The following C10orf67 variants were observed in gnomAD, a reference collection of about 807,000 sequenced individuals.
The protein encoded by C10orf67 is chromosome 10 open reading frame 67, also known as uncharacterized protein C10orf67, mitochondrial.
A neutral mutation model predicts 35.6 loss-of-function variants in C10orf67; 60 were observed. The observed-to-expected ratio is 1.68, with a 90% CI of 1.37 to 2.09. The LOEUF (loss-of-function observed/expected upper bound fraction) is 2.09, where lower values mean the gene tolerates loss of function less well. C10orf67 is among the 30% of genes most tolerant of loss of function. C10orf67 has a pLI of 0.00. For synonymous variants in C10orf67, 167 were observed against 115.8 expected, an observed-to-expected ratio of 1.44 and a Z score of -2.84; for missense variants, 474 against 330.2, an observed-to-expected ratio of 1.44 and a Z score of -3.38.
chr10:23,262,127 G>T (rs558030915), intron 10 of C10orf67, among the ~76,000 whole-genome samples: 4 of 152,244 alleles, frequency 2.6e-5, no homozygotes, highest in African/African-American at 9.6e-5. Context: ...GGTGAGCAGC[G>T]ATGTAATACA....
intron 5 of C10orf67, among the ~76,000 whole-genome samples, chr10:23,302,199 TTATAA>T (rs1418987782): frequency 4.6e-5 from 7 of 151,126 alleles, no homozygotes; most frequent in South Asian, 2.1e-4. Context: ...TATTAATGTA[TTATAA>T]TATATCATAT....
intron 4 of C10orf67, among the ~76,000 whole-genome samples, chr10:23,320,507 G>A (rs1844903693): frequency 6.6e-6 from 1 of 152,156 alleles, no homozygotes; most frequent in Non-Finnish European, 1.5e-5. Context: ...GATTACTTTG[G>A]TACATGCCCA....
rs115173829 is a variant in C10orf67 at position 23,233,790 on chromosome 10, G to T, written c.1434+5939C>A. Among the ~76,000 whole-genome samples the T allele has an allele frequency of 7.0e-3, 1,062 of 152,190 alleles. 9 individuals are homozygous for T. The highest frequency in any genetic ancestry group is 0.024 in the African/African-American group (991 of 41,548). ...ATGTTTTAAGACTCAAAATTTACTT[G>T]GTTTTTGGTTTTGATAATTTCAGAA... is the stretch of plus-strand genomic sequence containing the variant. On this transcript the variant is annotated intron_variant, in intron 13 of 15. Transcript: ENST00000636213.
chr10:23,315,079 C>T (rs1479094316), intron 4 of C10orf67, among the ~76,000 whole-genome samples: 1 of 152,214 alleles, frequency 6.6e-6, no homozygotes, highest in Non-Finnish European at 1.5e-5. Context: ...CCTTAACAAA[C>T]TGGGCGGCCA....
intron 12 of C10orf67, among the ~76,000 whole-genome samples, chr10:23,241,011 T>C (rs1842164007): frequency 6.6e-6 from 1 of 152,224 alleles, no homozygotes; most frequent in Non-Finnish European, 1.5e-5. Context: ...ACGTGCTACC[T>C]TTCATGAAAG....
intron 15 of C10orf67, among the ~76,000 whole-genome samples, chr10:23,216,747 T>C (rs2132094914): frequency 6.6e-6 from 1 of 152,284 alleles, no homozygotes; most frequent in Non-Finnish European, 1.5e-5. Context: ...ATCATGGATA[T>C]AATGCTTGAA....
chr10:23,303,172 A>G (rs1324998179), intron 5 of C10orf67, 132 bp downstream of exon 5: 1 of 362,426 alleles, frequency 2.8e-6, no homozygotes, highest in Non-Finnish European at 5.0e-6. Context: ...AAAGAGTTAG[A>G]CTGGCTTATA....
At chr10:23,223,944 C>T in intron 13 of C10orf67, 126 bp from the exon 14 acceptor site, 1 of 631,518 alleles carries the variant, frequency 1.6e-6, no homozygotes, top group East Asian at 2.7e-5. Context: ...CTTATTTGCT[C>T]AAATATGGCT....
At chr10:23,268,597 G>A (rs1373589291) in intron 8 of C10orf67, among the ~76,000 whole-genome samples, 1 of 152,208 alleles carries the variant, frequency 6.6e-6, no homozygotes, top group African/African-American at 2.4e-5. Context: ...AGTCTGAGAG[G>A]ATAGTTACTG....
chr10:23,309,179 A>AAT (rs1471666780), intron 4 of C10orf67, among the ~76,000 whole-genome samples: 7 of 152,266 alleles, frequency 4.6e-5, no homozygotes, highest in South Asian at 2.1e-4. Context: ...GTAATATATT[A>AAT]ATATATATAT....
rs372073215 is a variant in C10orf67 at position 23,263,154 on chromosome 10, G to T, written c.1200+3108C>A. 2.0e-4 allele frequency among the ~76,000 whole-genome samples: 30 copies of T among 152,278 alleles called. No homozygotes were observed. In the South Asian group the frequency reaches 4.8e-3, roughly 24 times the overall value. On this transcript the variant is annotated intron_variant, in intron 10 of 15. Coordinates refer to ENST00000636213, the MANE Select transcript of C10orf67 (RefSeq NM_001371909.1). ...GCTGGTTTTCCCAAACTGCTCTGCA[G>T]CTCTCTTAACTGCCTGCTGTATCAA... is the stretch of plus-strand genomic sequence containing the variant.
intron 5 of C10orf67, among the ~76,000 whole-genome samples, chr10:23,293,071 A>ACAGTGGCAGAATATGAACATC (rs1843771227): frequency 1.3e-5 from 2 of 152,178 alleles, no homozygotes; most frequent in East Asian, 3.8e-4. Flanking sequence ...ACTTTTCCTA[A>ACAGTGGCAGAATATGAACATC]CAGTGGCAGA....
chr10:23,255,882 C>A (rs772043814), intron 10 of C10orf67, among the ~76,000 whole-genome samples: 2 of 152,128 alleles, frequency 1.3e-5, no homozygotes, highest in Non-Finnish European at 2.9e-5. Context: ...CAAGACTTGT[C>A]TGGAAGGGTG....
In C10orf67 at chr10:23,249,131, C is replaced by CAAAAAAAAAAAAAA. The variant is rs57702096; in HGVS notation, c.1346+1310_1346+1323dup. On this transcript the variant is annotated intron_variant, in intron 12 of 15. Transcript: ENST00000636213. ...GGCAACAAGAGCAAAAACTCCCTCT[C>CAAAAAAAAAAAAAA]AAAAAAAAAAAAAAAAAAAAAAAAA... Among the ~76,000 whole-genome samples the CAAAAAAAAAAAAAA allele has an allele frequency of 1.9e-4, 4 of 21,558 alleles. 1 individual carries two copies. The highest frequency in any genetic ancestry group is 2.9e-4 in the Non-Finnish European group (3 of 10,244). The allele number at this position is 21,558 out of a possible 152,430, so 14.1% of individuals were successfully genotyped here.
chr10:23,286,773 TA>T (rs1275149143), intron 7 of C10orf67, among the ~76,000 whole-genome samples: 1 of 152,170 alleles, frequency 6.6e-6, no homozygotes, highest in Non-Finnish European at 1.5e-5. Flanking sequence ...CCAAGAAGGT[TA>T]AATGGAATTT....
intron 2 of C10orf67, among the ~76,000 whole-genome samples, chr10:23,323,590 G>A (rs562371804): frequency 6.4e-4 from 97 of 151,844 alleles, no homozygotes; most frequent in Admixed American, 1.1e-3. Flanking sequence ...GTCCTACATC[G>A]CTACAAATAC....
intron 15 of C10orf67, among the ~76,000 whole-genome samples, chr10:23,221,458 T>C (rs1468276996): frequency 1.3e-5 from 2 of 152,192 alleles, no homozygotes; most frequent in Admixed American, 6.5e-5. Context: ...CTTGAAAGCA[T>C]TAATAATGTA....
chr10:23,307,654 T>G (rs150395378), intron 4 of C10orf67, among the ~76,000 whole-genome samples: 150 of 150,662 alleles, frequency 1.0e-3, no homozygotes, highest in African/African-American at 3.6e-3. Flanking sequence ...TCACCCAGGC[T>G]GGAGTGCAGT....
chr10:23,308,012 C>T (rs1011080861), intron 4 of C10orf67, among the ~76,000 whole-genome samples: 7 of 152,096 alleles, frequency 4.6e-5, no homozygotes, highest in Non-Finnish European at 1.0e-4. Context: ...CTGCTAAGGT[C>T]AACACACATT....
Sources: allele counts gnomAD v4.1 joint callset (sites outside exome capture counted in the v4.1 genomes callset), GRCh38; gene constraint gnomAD v4.1.1; transcripts MANE v1.5; gene names NCBI Gene and HGNC (gene_info 2026-07-23, HGNC 2026-07-21).